Variants in BMP6 observed in about 807,000 individuals in gnomAD.
BMP6 encodes bone morphogenetic protein 6.
In BMP6, 17 loss-of-function variants were observed where a neutral mutation model predicts 54.1. The ratio of observed to expected loss-of-function variants is 0.31; its 90% confidence interval spans 0.22 to 0.47. BMP6 has a LOEUF of 0.47. BMP6 is among the 20% of genes least tolerant of loss of function. BMP6 has a pLI of 1.00. For missense variants in BMP6, 720 were observed against 690.4 expected (o/e 1.04, Z -0.48); for synonymous variants, 328 against 291.2 (o/e 1.13, Z -1.28).
At chr6:7,774,536 A>AG in intron 1 of BMP6, among the ~76,000 whole-genome samples, 1 of 152,284 alleles carries the variant, frequency 6.6e-6, no homozygotes. Context: ...TGGGCGACAG[A>AG]GGGAGACTCT....
At chr6:7,842,090 C>T (rs962720959) in intron 1 of BMP6, among the ~76,000 whole-genome samples, 1 of 152,174 alleles carries the variant, frequency 6.6e-6, no homozygotes, top group African/African-American at 2.4e-5. Context: ...CCTCCCTCCT[C>T]TTTTCCTCCC....
chr6:7,831,663 C>G (rs1758795687), intron 1 of BMP6, among the ~76,000 whole-genome samples: 1 of 152,178 alleles, frequency 6.6e-6, no homozygotes, highest in Non-Finnish European at 1.5e-5. Context: ...AAGTTTGCAT[C>G]CTGAATTTAG....
chr6:7,789,170 G>A (rs1758060005), intron 1 of BMP6, among the ~76,000 whole-genome samples: 1 of 152,210 alleles, frequency 6.6e-6, no homozygotes, highest in Admixed American at 6.5e-5. Flanking sequence ...GCACAGCAGG[G>A]ATTCTGTACC....
At chr6:7,737,677 C>A (rs1761975612) in intron 1 of BMP6, among the ~76,000 whole-genome samples, 1 of 151,842 alleles carries the variant, frequency 6.6e-6, no homozygotes, top group African/African-American at 2.4e-5. Context: ...ATAAAATTGG[C>A]AACTCCATTG....
intron 1 of BMP6, among the ~76,000 whole-genome samples, chr6:7,802,495 G>A (rs1425555321): frequency 6.6e-6 from 1 of 152,200 alleles, no homozygotes; most frequent in African/African-American, 2.4e-5. Flanking sequence ...CAAGTAAGGG[G>A]TTTCTAATAA....
At chr6:7,787,330 A>G (rs1296068498) in intron 1 of BMP6, among the ~76,000 whole-genome samples, 1 of 152,204 alleles carries the variant, frequency 6.6e-6, no homozygotes, top group Non-Finnish European at 1.5e-5. Flanking sequence ...CTACACCTCT[A>G]AAACAGTTAT....
chr6:7,759,302 T>C (rs1276756242), intron 1 of BMP6, among the ~76,000 whole-genome samples: 2 of 152,214 alleles, frequency 1.3e-5, no homozygotes, highest in African/African-American at 4.8e-5. Context: ...AAATGGTTCC[T>C]TGAGCAGTTC....
At chr6:7,852,069 T>C (rs1447845805) in intron 2 of BMP6, among the ~76,000 whole-genome samples, 1 of 152,212 alleles carries the variant, frequency 6.6e-6, no homozygotes, top group Non-Finnish European at 1.5e-5. Context: ...AGACTGCTAA[T>C]TTTCTATTTA....
chr6:7,773,744 G>A (rs1031678819), intron 1 of BMP6, among the ~76,000 whole-genome samples: 1 of 152,168 alleles, frequency 6.6e-6, no homozygotes, highest in Non-Finnish European at 1.5e-5. Context: ...TCATGTACAT[G>A]GGGCCTTTTC....
chr6:7,767,496 A>G (rs987476122), intron 1 of BMP6, among the ~76,000 whole-genome samples: 5 of 151,492 alleles, frequency 3.3e-5, no homozygotes, highest in Admixed American at 6.6e-5. Context: ...CCCACCACGG[A>G]GATTTGGATA....
chr6:7,727,515 T>G lies in BMP6; in HGVS notation c.560T>G (p.Leu187Arg). The G allele has an allele frequency of 6.3e-7, 1 of 1,596,100 alleles. No homozygotes were observed. Among genetic ancestry groups the G allele is most frequent in the South Asian group, 1.1e-5 (1 of 90,182 alleles). Residue 187 changes from leucine to arginine, a missense_variant, in exon 1 of 7, where the codon CTT becomes CGT. Physicochemically the swap from Leu to Arg is moderately radical, Grantham distance 102 (BLOSUM62 -2). Coordinates refer to ENST00000283147, the MANE Select transcript of BMP6 (RefSeq NM_001718.6). ...GCGCACCCGCTCAACCGCAAGAGCC[T>G]TCTGGCCCCCGGATCTGGCAGCGGC... ...GAAHPLNRKSLLAPGSGSGGA... is the reference protein window; with the variant it reads ...GAAHPLNRKSRLAPGSGSGGA...
chr6:7,734,262 C>T (rs1012774513), intron 1 of BMP6, among the ~76,000 whole-genome samples: 10 of 152,144 alleles, frequency 6.6e-5, no homozygotes, highest in African/African-American at 1.2e-4. Flanking sequence ...AATGTATGTT[C>T]GCCATAGATC....
rs762433509 is a variant in BMP6 at position 7,880,254 on chromosome 6, G to C, written c.1453G>C (p.Ala485Pro). 4 of 1,614,144 alleles carry C rather than the reference G, an allele frequency of 2.5e-6. No individual in the cohort carries two copies. In the South Asian group the frequency reaches 3.3e-5, roughly 13 times the overall value. Residue 485 changes from alanine to proline, a missense_variant, in exon 7 of 7, where the codon GCC (alanine) becomes CCC (proline). Transcript: ENST00000283147. Reference protein sequence around the residue: ...KPCCAPTKLNAISVLYFDDNS... With the variant: ...KPCCAPTKLNPISVLYFDDNS... ...GTGCTGTGCGCCAACTAAGCTAAAT[G>C]CCATCTCGGTTCTTTACTTTGATGA...
intron 4 of BMP6, among the ~76,000 whole-genome samples, chr6:7,876,644 A>C (rs776760549): frequency 1.4e-4 from 22 of 152,216 alleles, no homozygotes; most frequent in Admixed American, 6.5e-5. Context: ...ATGTATAACT[A>C]ATCTGTTAAG....
chr6:7,839,842 A>G (rs1758938613), intron 1 of BMP6, among the ~76,000 whole-genome samples: 1 of 152,212 alleles, frequency 6.6e-6, no homozygotes, highest in African/African-American at 2.4e-5. Context: ...TAATTGCTGG[A>G]TCAATGCTAA....
At chr6:7,859,237 A>G (rs192932684) in intron 2 of BMP6, among the ~76,000 whole-genome samples, 272 of 152,084 alleles carry the variant, frequency 1.8e-3, no homozygotes, top group Non-Finnish European at 2.6e-3. Context: ...ATTCTCTTGG[A>G]CGAGGCTGCC....
intron 1 of BMP6, among the ~76,000 whole-genome samples, chr6:7,743,296 G>A (rs761850948): frequency 2.0e-5 from 3 of 152,188 alleles, no homozygotes; most frequent in Non-Finnish European, 2.9e-5. Flanking sequence ...ACGAACAATA[G>A]TATATAATGT....
At chr6:7,852,350 A>G (rs531617858) in intron 2 of BMP6, among the ~76,000 whole-genome samples, 2 of 152,260 alleles carry the variant, frequency 1.3e-5, no homozygotes, top group East Asian at 3.9e-4. Context: ...AGGTGGGAGG[A>G]TTGCCTGAGC....
At chr6:7,739,128 T>A (rs914898441) in intron 1 of BMP6, among the ~76,000 whole-genome samples, 4 of 152,338 alleles carry the variant, frequency 2.6e-5, no homozygotes, top group African/African-American at 9.6e-5. Context: ...TAGGCAGACT[T>A]CTTTTCTAAT....
Sources: gnomAD v4.1 joint callset for allele counts (sites outside exome capture counted in the v4.1 genomes callset) on GRCh38, gnomAD v4.1.1 for gene constraint, MANE v1.5 for transcripts, NCBI Gene and HGNC (gene_info 2026-07-23, HGNC 2026-07-21) for gene names.